The following CD300A variants were observed in gnomAD, a reference collection of about 807,000 sequenced individuals.
CD300A encodes the protein CMRF35-like molecule 8.
In CD300A, 22 loss-of-function variants were observed where a neutral mutation model predicts 33.6. The ratio of observed to expected loss-of-function variants is 0.66; its 90% CI spans 0.47 to 0.94. CD300A has a LOEUF of 0.94. Among genes scored for constraint, CD300A ranks in the 40% least tolerant of loss-of-function variants. The pLI, the probability that CD300A is intolerant of heterozygous loss-of-function variation, is 0.00. For synonymous variants in CD300A, 136 were observed against 148.1 expected, an observed-to-expected ratio of 0.92 and a Z score of 0.59; for missense variants, 326 against 360.5, an observed-to-expected ratio of 0.90 and a Z score of 0.77.
At chr17:74,468,316 G>A (rs1167719473) in intron 1 of CD300A, among the ~76,000 whole-genome samples, 45 of 152,284 alleles carry the variant, frequency 3.0e-4, no homozygotes, top group Non-Finnish European at 2.9e-5. Context: ...TTGCAGGCGT[G>A]AGCCACCAAG....
At chr17:74,481,422 G>A (rs1188913981) in intron 5 of CD300A, 96 bp downstream of exon 5, 2 of 1,160,564 alleles carry the variant, frequency 1.7e-6, no homozygotes, top group Non-Finnish European at 2.6e-6. Context: ...ACGGAGGTTG[G>A]ATGGAGCGGG....
At chr17:74,470,458 A>G (rs537561702) in intron 1 of CD300A, among the ~76,000 whole-genome samples, 2 of 152,238 alleles carry the variant, frequency 1.3e-5, no homozygotes, top group South Asian at 4.2e-4. Flanking sequence ...AAGGGAAGTC[A>G]GACACTGGAG....
chr17:74,483,460 G>A (rs565633902), intron 6 of CD300A, among the ~76,000 whole-genome samples: 40 of 151,296 alleles, frequency 2.6e-4, no homozygotes, highest in Non-Finnish European at 5.0e-4. Flanking sequence ...CGGTTCAAGC[G>A]ATCCTCCTGC....
Position 74,469,925 on chromosome 17 carries a change from T to G in CD300A, c.40+3182T>G. The stretch of plus-strand genomic sequence containing the variant: ...ACTGTTTTTCTGTTTCTTAATTCAC[T>G]GATTTCTGTGAATTCACCAGTTCGT... On this transcript the variant is annotated intron_variant, in intron 1 of 6. Transcript: ENST00000360141. 3 of 981,958 alleles carry G rather than the reference T, an allele frequency of 3.1e-6. No homozygotes were observed. The South Asian group carries it at 1.4e-4, about 46-fold the overall frequency. The allele number at this position is 981,958 out of a possible 1,614,324, so 60.8% of individuals were successfully genotyped here.
In CD300A at chr17:74,477,037, AT is replaced by A. The variant is rs749442779; in HGVS notation, c.534-391del. Among the ~76,000 whole-genome samples the A allele has an allele frequency of 8.6e-5, 13 of 151,992 alleles. No individual in the cohort carries two copies. The East Asian group carries it at 1.2e-3, about 14-fold the overall frequency. ...GTAGAAAGGGGGCTTTATACTGTCT[AT>A]TTTTTTTAATTGACCTTATCTATCT... On this transcript the variant is annotated intron_variant, in intron 3 of 6. Transcript: ENST00000360141.
chr17:74,481,414 G>A (rs982991127), intron 5 of CD300A, 88 bp downstream of exon 5: 16 of 1,267,836 alleles, frequency 1.3e-5, no homozygotes, highest in South Asian at 7.3e-5. Context: ...ATCGGCCAAC[G>A]GAGGTTGGAT....
intron 6 of CD300A, among the ~76,000 whole-genome samples, chr17:74,482,620 G>C (rs1447411163): frequency 2.0e-5 from 3 of 151,142 alleles, no homozygotes; most frequent in African/African-American, 7.4e-5. Context: ...CCCGCCAGCT[G>C]TCTGCATGAG....
chr17:74,483,857 G>C, intron 6 of CD300A, 144 bp from the exon 7 acceptor site: 1 of 830,312 alleles, frequency 1.2e-6, no homozygotes. Context: ...CAGGATCATA[G>C]AGAAAAAGAG....
intron 1 of CD300A, among the ~76,000 whole-genome samples, chr17:74,473,188 C>G (rs1436611174): frequency 6.6e-6 from 1 of 151,938 alleles, no homozygotes; most frequent in East Asian, 1.9e-4. Context: ...GGTGGTAGAG[C>G]AGAAAAGAGA....
intron 1 of CD300A, 32 bp from the exon 2 acceptor site, chr17:74,473,504 G>A: frequency 1.3e-6 from 2 of 1,586,482 alleles, no homozygotes; most frequent in Non-Finnish European, 8.6e-7. Flanking sequence ...CTCATCTGAG[G>A]AGGAGCTGGG....
rs564430089 is a variant in CD300A, at chr17:74,470,591, G to C, written c.41-2945G>C. ...CGCAGCCCAGGAGAGGCAGGGAATC[G>C]GGTCAGGACAGGGAGCAGGAACAGT... On this transcript the variant is annotated intron_variant, in intron 1 of 6. Transcript: ENST00000360141. Among the ~76,000 whole-genome samples the C allele has an allele frequency of 5.9e-5, 9 of 152,204 alleles. No homozygotes were observed. In the East Asian group the frequency reaches 1.7e-3, roughly 29 times the overall value.
intron 4 of CD300A, among the ~76,000 whole-genome samples, 155 bp downstream of exon 4, chr17:74,477,685 A>G (rs142451431): frequency 1.4e-4 from 22 of 152,228 alleles, no homozygotes; most frequent in African/African-American, 5.3e-4. Flanking sequence ...GGCAGGTCCC[A>G]TGGGAGGCAT....
At chr17:74,472,175 T>C (rs572824678) in intron 1 of CD300A, among the ~76,000 whole-genome samples, 1 of 150,438 alleles carries the variant, frequency 6.6e-6, no homozygotes, top group Non-Finnish European at 1.5e-5. Flanking sequence ...GAGGCAGAGG[T>C]TGCAATGAGC....
At chr17:74,468,803 C>G (rs1905899023) in intron 1 of CD300A, among the ~76,000 whole-genome samples, 1 of 152,168 alleles carries the variant, frequency 6.6e-6, no homozygotes, top group Admixed American at 6.5e-5. Context: ...CTTACAGGCA[C>G]CCACCACCAC....
At position 74,477,448 on chromosome 17, in the gene CD300A, C is replaced by T; in HGVS notation, c.546C>T (p.Leu182=). The T allele has an allele frequency of 1.2e-6, 2 of 1,613,682 alleles. No homozygotes were observed. Among genetic ancestry groups the T allele is most frequent in the Non-Finnish European group, 1.7e-6 (2 of 1,179,770 alleles). The change falls in exon 4 of 7, where the codon CTC becomes CTT. Residue 182 remains leucine, a synonymous_variant. Coordinates refer to ENST00000360141, the MANE Select transcript of CD300A (RefSeq NM_007261.4). ...EEVVNSQLPL[L]LSLLALLLLL... ...GTGCCTCCTCCAGGCTCCCGCTGCTCCTCTCCCTGCTGGCATTGTTGCTGC... is the reference window on the plus strand; with the variant it reads ...GTGCCTCCTCCAGGCTCCCGCTGCTTCTCTCCCTGCTGGCATTGTTGCTGC...
intron 3 of CD300A, among the ~76,000 whole-genome samples, chr17:74,477,173 C>A (rs9889333): frequency 1.3e-4 from 19 of 151,790 alleles, no homozygotes; most frequent in African/African-American, 4.6e-4. Flanking sequence ...CTGAGACCAT[C>A]CTGGGCAATA....
At chr17:74,482,080 T>C (rs1465126560) in intron 6 of CD300A, among the ~76,000 whole-genome samples, 1 of 152,088 alleles carries the variant, frequency 6.6e-6, no homozygotes, top group African/African-American at 2.4e-5. Context: ...GTCCGTGAAG[T>C]CCAGCATGGG....
upstream of CD300A, chr17:74,466,523 G>T (rs566938045): frequency 3.0e-6 from 2 of 667,314 alleles, no homozygotes; most frequent in African/African-American, 3.6e-5. Flanking sequence ...GTCTTAGTCG[G>T]GGCTCACCAG....
At chr17:74,471,560 C>G (rs1042036796) in intron 1 of CD300A, among the ~76,000 whole-genome samples, 1 of 152,150 alleles carries the variant, frequency 6.6e-6, no homozygotes, top group East Asian at 1.9e-4. Flanking sequence ...CTAACTTGCC[C>G]CAGAACACAC....
Sources: allele counts gnomAD v4.1 joint callset (sites outside exome capture counted in the v4.1 genomes callset), GRCh38; gene constraint gnomAD v4.1.1; transcripts MANE v1.5; gene names NCBI Gene and HGNC (gene_info 2026-07-23, HGNC 2026-07-21).